The following CERS6 variants were observed in gnomAD, a reference collection of about 807,000 sequenced individuals.
The protein encoded by CERS6 is ceramide synthase 6.
A neutral mutation model predicts 56.8 loss-of-function variants in CERS6; 26 were observed. The observed-to-expected ratio is 0.46, with a 90% CI of 0.34 to 0.63. The LOEUF is 0.63. Among genes scored for constraint, CERS6 ranks in the 30% least tolerant of loss-of-function variants. The pLI is 0.01. For missense variants in CERS6, 415 were observed against 467.5 expected (o/e 0.89, Z 1.04); for synonymous variants, 164 against 173.3 (o/e 0.95, Z 0.42).
intron 4 of CERS6, among the ~76,000 whole-genome samples, chr2:168,645,883 T>G (rs1685187474): frequency 6.6e-6 from 1 of 151,642 alleles, no homozygotes; most frequent in African/African-American, 2.4e-5. Context: ...TTCTTTTTTC[T>G]GGCTGCATTG....
chr2:168,581,711 A>G (rs908924699), intron 3 of CERS6, among the ~76,000 whole-genome samples: 1 of 152,062 alleles, frequency 6.6e-6, no homozygotes, highest in Admixed American at 6.6e-5. Context: ...ATTTTTTTAC[A>G]TAGGGGAAGC....
chr2:168,639,772 T>C (rs1441785633), intron 4 of CERS6, among the ~76,000 whole-genome samples: 2 of 152,160 alleles, frequency 1.3e-5, no homozygotes, highest in Non-Finnish European at 2.9e-5. Context: ...GCTCTGTGTG[T>C]GGTTCCAGGG....
rs369015873 is a variant in CERS6, at chr2:168,563,593, C to T, written c.407+2271C>T. On this transcript the variant is annotated intron_variant, in intron 3 of 9. Coordinates refer to ENST00000305747, the MANE Select transcript of CERS6 (RefSeq NM_203463.3). ...CGGGCGGATCATGAGGTCAGGAGAT[C>T]GAGACCATCCTGGCTAAAATGGTGA... Among the ~76,000 whole-genome samples the T allele has an allele frequency of 8.5e-5, 13 of 152,132 alleles. No homozygotes were observed. The South Asian group carries it at 2.5e-3, about 29-fold the overall frequency.
chr2:168,706,371 T>C (rs967006478), intron 6 of CERS6, among the ~76,000 whole-genome samples: 5 of 152,360 alleles, frequency 3.3e-5, no homozygotes, highest in African/African-American at 9.6e-5. Flanking sequence ...GTAGACAAGA[T>C]TATGAGTTCT....
chr2:168,743,895 C>G (rs1684002588), intron 8 of CERS6, among the ~76,000 whole-genome samples: 1 of 151,594 alleles, frequency 6.6e-6, no homozygotes, highest in African/African-American at 2.4e-5. Context: ...TAGAAATTTA[C>G]TTGATTCCCC....
intron 1 of CERS6, among the ~76,000 whole-genome samples, chr2:168,461,960 C>G (rs1693787669): frequency 6.6e-6 from 1 of 152,190 alleles, no homozygotes; most frequent in Non-Finnish European, 1.5e-5. Flanking sequence ...TTTCCTCCAT[C>G]AGCATACCAG....
intron 4 of CERS6, among the ~76,000 whole-genome samples, chr2:168,667,896 T>C (rs1685805088): frequency 6.6e-6 from 1 of 152,212 alleles, no homozygotes; most frequent in Admixed American, 6.5e-5. Flanking sequence ...AGGGACCTTC[T>C]GTGAAGCTTG....
At chr2:168,750,331 T>C (rs1684226414) in intron 8 of CERS6, among the ~76,000 whole-genome samples, 1 of 152,170 alleles carries the variant, frequency 6.6e-6, no homozygotes, top group Non-Finnish European at 1.5e-5. Context: ...TACATGTTAA[T>C]TATAGTTAAA....
intron 3 of CERS6, among the ~76,000 whole-genome samples, chr2:168,620,759 C>T (rs1574106130): frequency 7.4e-6 from 1 of 134,802 alleles, no homozygotes; most frequent in South Asian, 2.6e-4. Context: ...GGGAAATTCA[C>T]CTTTTTTTTT....
At chr2:168,750,621 T>A (rs1195021973) in intron 8 of CERS6, among the ~76,000 whole-genome samples, 2 of 152,264 alleles carry the variant, frequency 1.3e-5, no homozygotes, top group African/African-American at 4.8e-5. Context: ...ATCTACCATA[T>A]GAAAAAGTCA....
chr2:168,684,912 A>T (rs950786136), intron 4 of CERS6, among the ~76,000 whole-genome samples: 1 of 151,640 alleles, frequency 6.6e-6, no homozygotes, highest in African/African-American at 2.4e-5. Context: ...CATTTTTCTT[A>T]TGTTTTTTTT....
intron 4 of CERS6, among the ~76,000 whole-genome samples, chr2:168,657,854 C>G (rs1685529511): frequency 6.6e-6 from 1 of 152,246 alleles, no homozygotes; most frequent in Non-Finnish European, 1.5e-5. Flanking sequence ...AGGAAGTGGG[C>G]TCTGGCCTTG....
intron 6 of CERS6, among the ~76,000 whole-genome samples, chr2:168,696,552 G>A (rs1194711783): frequency 1.3e-5 from 2 of 152,182 alleles, no homozygotes; most frequent in African/African-American, 4.8e-5. Context: ...ACAAAAAAAT[G>A]CCAGATTGAC....
In CERS6 at chr2:168,774,220, G is replaced by C. The variant is rs1031573121; in HGVS notation, c.*4558G>C. 1.3e-5 allele frequency: 2 copies of C among 152,174 alleles called. No homozygotes were observed. The highest frequency in any genetic ancestry group is 2.9e-5 in the Non-Finnish European group (2 of 68,034). The allele number at this position is 152,174 out of a possible 1,614,324, so 9.4% of individuals were successfully genotyped here. A position where few individuals can be genotyped will look rare whatever the true frequency, so the allele number is the denominator to read the frequency against. On this transcript the variant is annotated 3_prime_UTR_variant, in exon 10 of 10. Transcript: ENST00000305747. The stretch of plus-strand genomic sequence containing the variant: ...CACAAAACTAGGCATTCTGGAGATT[G>C]CCCAGAAAGGGATGTGAGGGGACCG...
intron 3 of CERS6, among the ~76,000 whole-genome samples, chr2:168,628,077 T>A (rs1684630750): frequency 1.3e-5 from 2 of 152,194 alleles, no homozygotes; most frequent in African/African-American, 4.8e-5. Flanking sequence ...GGTCATATCT[T>A]CTTGTATTAT....
At chr2:168,769,024 A>T (rs539383417) in intron 9 of CERS6, among the ~76,000 whole-genome samples, 34 of 152,234 alleles carry the variant, frequency 2.2e-4, no homozygotes, top group African/African-American at 8.2e-4. Context: ...TGTAATCATA[A>T]AACAATGCAT....
At chr2:168,539,595 C>T (rs1695329147) in intron 1 of CERS6, among the ~76,000 whole-genome samples, 2 of 152,184 alleles carry the variant, frequency 1.3e-5, no homozygotes, top group South Asian at 4.1e-4. Context: ...GCACATATGC[C>T]TGCTCACTCA....
At chr2:168,751,838 T>G (rs4668106) in intron 8 of CERS6, among the ~76,000 whole-genome samples, 92,874 of 152,024 alleles carry the variant, frequency 0.61, 28,629 homozygotes, top group African/African-American at 0.67. Flanking sequence ...CAGGTACCCA[T>G]TCCAGCTATG....
chr2:168,761,750 A>G (rs528106173), intron 8 of CERS6, among the ~76,000 whole-genome samples: 13 of 152,312 alleles, frequency 8.5e-5, no homozygotes, highest in African/African-American at 2.6e-4. Context: ...ACACCACCAC[A>G]GAGTTGAGCC....
Sources: allele counts gnomAD v4.1 joint callset (sites outside exome capture counted in the v4.1 genomes callset), GRCh38; gene constraint gnomAD v4.1.1; transcripts MANE v1.5; gene names NCBI Gene and HGNC (gene_info 2026-07-23, HGNC 2026-07-21).